Variants in DARS1 observed in about 807,000 individuals in gnomAD.
The protein encoded by DARS1 is aspartate--tRNA ligase, cytoplasmic.
A neutral mutation model predicts 68.8 loss-of-function variants in DARS1; 51 were observed. That is an observed-to-expected ratio of 0.74 (90% CI 0.59 to 0.94). DARS1 has a LOEUF of 0.94. Among genes scored for constraint, DARS1 ranks in the 40% least tolerant of loss-of-function variants. The pLI, the probability that DARS1 is intolerant of heterozygous loss-of-function variation, is 0.00. For missense variants in DARS1, 607 were observed against 597.3 expected (o/e 1.02, Z -0.17); for synonymous variants, 203 against 190.4 (o/e 1.07, Z -0.55).
intron 9 of DARS1, among the ~76,000 whole-genome samples, chr2:135,921,395 A>T (rs532002369): frequency 3.5e-4 from 53 of 151,754 alleles, no homozygotes; most frequent in African/African-American, 1.3e-3. Context: ...CTCTTTACTT[A>T]CTCTGCTTCC....
At chr2:135,950,973 AG>A (rs1407163080) in intron 4 of DARS1, among the ~76,000 whole-genome samples, 7 of 152,188 alleles carry the variant, frequency 4.6e-5, no homozygotes, top group South Asian at 2.1e-4. Flanking sequence ...ACATGAGGTC[AG>A]GAAGAGGCTG....
intron 4 of DARS1, among the ~76,000 whole-genome samples, chr2:135,952,032 G>A (rs145352958): frequency 4.0e-4 from 61 of 152,296 alleles, no homozygotes; most frequent in East Asian, 3.5e-3. Context: ...CCTGAGGTGA[G>A]GAGTTCAAGA....
At chr2:135,960,790 T>C (rs1000262094) in intron 4 of DARS1, among the ~76,000 whole-genome samples, 1 of 152,208 alleles carries the variant, frequency 6.6e-6, no homozygotes, top group African/African-American at 2.4e-5. Context: ...TCTATCTCTA[T>C]ATCTGCCTCC....
intron 3 of DARS1, among the ~76,000 whole-genome samples, chr2:135,974,984 A>G (rs1227006947): frequency 7.0e-6 from 1 of 142,532 alleles, no homozygotes; most frequent in African/African-American, 2.7e-5. Context: ...AACTTTATAC[A>G]AATGAGAAAA....
chr2:135,968,059 A>G (rs953619884), intron 3 of DARS1, among the ~76,000 whole-genome samples: 14 of 152,280 alleles, frequency 9.2e-5, no homozygotes, highest in Non-Finnish European at 1.8e-4. Context: ...CAGGAGTTTG[A>G]GACTAGCCTG....
At chr2:135,933,787 G>GTAATT in intron 6 of DARS1, 123 bp downstream of exon 6, 4 of 1,313,952 alleles carry the variant, frequency 3.0e-6, no homozygotes, top group Non-Finnish European at 3.9e-6. Flanking sequence ...GATTTTAAGA[G>GTAATT]TAAGTTTAAA....
intron 3 of DARS1, among the ~76,000 whole-genome samples, chr2:135,974,695 T>C (rs548113784): frequency 2.6e-5 from 4 of 152,324 alleles, no homozygotes; most frequent in African/African-American, 7.2e-5. Context: ...CCTGAAGTAC[T>C]AGAGAACCTA....
chr2:135,907,512 G>T, intron 15 of DARS1, 105 bp from the exon 16 acceptor site: 5 of 694,762 alleles, frequency 7.2e-6, no homozygotes, highest in South Asian at 2.0e-5. Flanking sequence ...ACTTTTCCTT[G>T]TTAGGAAAGA....
At chr2:135,915,396 A>G (rs1176361636) in intron 11 of DARS1, among the ~76,000 whole-genome samples, 1 of 152,132 alleles carries the variant, frequency 6.6e-6, no homozygotes, top group Non-Finnish European at 1.5e-5. Flanking sequence ...AAGTGATCCA[A>G]TTGCCTCAGC....
intron 4 of DARS1, among the ~76,000 whole-genome samples, chr2:135,945,868 A>G (rs1478884689): frequency 2.0e-5 from 3 of 152,172 alleles, no homozygotes; most frequent in African/African-American, 7.2e-5. Context: ...ATTTTTTTTA[A>G]CCCTTCCAAT....
intron 7 of DARS1, among the ~76,000 whole-genome samples, chr2:135,926,119 G>A (rs1182374728): frequency 1.3e-5 from 2 of 152,118 alleles, no homozygotes; most frequent in African/African-American, 4.8e-5. Flanking sequence ...TTGAACCCCT[G>A]ACCCCAGGCG....
intron 5 of DARS1, among the ~76,000 whole-genome samples, chr2:135,941,011 G>A (rs1478171105): frequency 6.6e-6 from 1 of 152,052 alleles, no homozygotes; most frequent in African/African-American, 2.4e-5. Flanking sequence ...AAATAAAAGA[G>A]GACACAAACA....
Position 135,972,194 on chromosome 2 carries a change from T to C in DARS1, c.217+7080A>G, listed in dbSNP as rs546806162. 2.6e-5 allele frequency among the ~76,000 whole-genome samples: 4 copies of C among 152,262 alleles called. No homozygotes were observed. The South Asian group carries it at 6.2e-4, about 24-fold the overall frequency. ...ACCTTCAAATTATACTACGGAGCTATAGTAACCAAAAACAACTTGGTACTG... is the reference window on the plus strand; with the variant it reads ...ACCTTCAAATTATACTACGGAGCTACAGTAACCAAAAACAACTTGGTACTG... On this transcript the variant is annotated intron_variant, in intron 3 of 15. Transcript: ENST00000264161.
intron 7 of DARS1, among the ~76,000 whole-genome samples, chr2:135,926,581 A>G (rs1681215715): frequency 6.6e-6 from 1 of 152,254 alleles, no homozygotes; most frequent in Admixed American, 6.5e-5. Flanking sequence ...ACAGGGGTAG[A>G]TGGGAAAAGA....
chr2:135,919,683 C>T (rs992192834), intron 10 of DARS1, among the ~76,000 whole-genome samples: 12 of 152,194 alleles, frequency 7.9e-5, no homozygotes, highest in African/African-American at 2.9e-4. Context: ...GGGAAGAGCT[C>T]TTTGCCAGTT....
chr2:135,985,021 G>A (rs1369101037), intron 1 of DARS1, among the ~76,000 whole-genome samples: 1 of 152,198 alleles, frequency 6.6e-6, no homozygotes, highest in African/African-American at 2.4e-5. Flanking sequence ...GGAACACGAG[G>A]GCTGAGTACA....
chr2:135,952,114 G>A (rs1681850703), intron 4 of DARS1, among the ~76,000 whole-genome samples: 2 of 152,122 alleles, frequency 1.3e-5, no homozygotes, highest in African/African-American at 4.8e-5. Context: ...GGTGGTGGGC[G>A]CCTGTAATTT....
intron 5 of DARS1, among the ~76,000 whole-genome samples, chr2:135,940,863 A>G (rs372725479): frequency 2.0e-5 from 3 of 152,220 alleles, no homozygotes; most frequent in Non-Finnish European, 2.9e-5. Context: ...CTATACACCA[A>G]TAACAAACAA....
intron 15 of DARS1, among the ~76,000 whole-genome samples, chr2:135,910,590 T>G (rs1680875033): frequency 6.6e-6 from 1 of 152,170 alleles, no homozygotes; most frequent in South Asian, 2.1e-4. Flanking sequence ...AAACTGTCTC[T>G]CGACCAATTT....
Sources: allele counts gnomAD v4.1 joint callset (sites outside exome capture counted in the v4.1 genomes callset), GRCh38; gene constraint gnomAD v4.1.1; transcripts MANE v1.5; gene names NCBI Gene and HGNC (gene_info 2026-07-23, HGNC 2026-07-21).